Variants in SGK1 observed in about 807,000 individuals in gnomAD.
SGK1 encodes serum/glucocorticoid regulated kinase 1.
A neutral mutation model predicts 64.2 loss-of-function variants in SGK1; 26 were observed. The ratio of observed to expected loss-of-function variants is 0.40; its 90% CI spans 0.30 to 0.56. The LOEUF is 0.56. SGK1 is among the 20% of genes least tolerant of loss of function. The pLI, the probability that SGK1 is intolerant of heterozygous loss-of-function variation, is 0.38. For missense variants in SGK1, 519 were observed against 645.6 expected, an observed-to-expected ratio of 0.80 and a Z score of 2.12; for synonymous variants, 265 against 239.7, an observed-to-expected ratio of 1.11 and a Z score of -0.98.
At chr6:134,172,607 A>AGT in intron 9 of SGK1, 55 bp downstream of exon 9, 1 of 1,143,454 alleles carries the variant, frequency 8.7e-7, no homozygotes, top group Non-Finnish European at 1.3e-6. Flanking sequence ...TGAAACAGCC[A>AGT]GTGCTACGTC....
intron 2 of SGK1, among the ~76,000 whole-genome samples, chr6:134,227,095 G>GCTGGTCC (rs1384335547): frequency 2.6e-5 from 4 of 152,098 alleles, no homozygotes; most frequent in African/African-American, 9.7e-5. Context: ...AGCCTCCATG[G>GCTGGTCC]CTGGTCCCTG....
chr6:134,308,372 T>C, intron 1 of SGK1, among the ~76,000 whole-genome samples: 1 of 152,208 alleles, frequency 6.6e-6, no homozygotes, highest in Admixed American at 6.5e-5. Flanking sequence ...TCTAAATATG[T>C]TTTAACAATT....
Position 134,191,939 on chromosome 6 carries a change from A to T in SGK1, c.361+15417T>A, listed in dbSNP as rs1159821970. Among the ~76,000 whole-genome samples, 4 of 145,808 alleles carry T rather than the reference A, an allele frequency of 2.7e-5. No individual in the cohort carries two copies. The Admixed American group carries it at 2.9e-4, about 10-fold the overall frequency. ...AACCTCCACCTCCGGGTTTCAAGGG[A>T]TGCTCCTGCCTCAGCCTCCCAAGTA... is the stretch of plus-strand genomic sequence containing the variant. On this transcript the variant is annotated intron_variant, in intron 3 of 13. Transcript: ENST00000367858.
chr6:134,208,202 G>T lies in SGK1; in HGVS notation c.286-771C>A, dbSNP rs192854201. On this transcript the variant is annotated intron_variant, in intron 2 of 13. Coordinates refer to ENST00000367858, the MANE Select transcript of SGK1 (RefSeq NM_001143676.3). ...GCTGGGATTATAAGCGTGAACCACCGCACCTGGCCTGCATTCTTATTTTAT... is the reference window on the plus strand; with the variant it reads ...GCTGGGATTATAAGCGTGAACCACCTCACCTGGCCTGCATTCTTATTTTAT... 5.5e-3 allele frequency among the ~76,000 whole-genome samples: 841 copies of T among 152,180 alleles called. 3 individuals carry two copies. The highest frequency in any genetic ancestry group is 9.8e-3 in the Non-Finnish European group (666 of 68,014).
At chr6:134,280,791 G>A (rs1582760861) in intron 1 of SGK1, among the ~76,000 whole-genome samples, 1 of 152,190 alleles carries the variant, frequency 6.6e-6, no homozygotes, top group South Asian at 2.1e-4. Context: ...TCCAGGCCAG[G>A]TGCAGTGGCT....
chr6:134,316,067 G>A (rs1330467382), intron 1 of SGK1, among the ~76,000 whole-genome samples: 1 of 152,192 alleles, frequency 6.6e-6, no homozygotes, highest in Admixed American at 6.5e-5. Context: ...GCAGGGGCCA[G>A]GACAGGTTGG....
chr6:134,258,688 C>CA (rs1776720417), intron 2 of SGK1, among the ~76,000 whole-genome samples: 1 of 152,110 alleles, frequency 6.6e-6, no homozygotes, highest in African/African-American at 2.4e-5. Context: ...GCCTGGGTGA[C>CA]AGGGCGAGAC....
chr6:134,281,353 A>G (rs1777091648), intron 1 of SGK1, among the ~76,000 whole-genome samples: 1 of 152,158 alleles, frequency 6.6e-6, no homozygotes, highest in Non-Finnish European at 1.5e-5. Flanking sequence ...CATTAAGAGT[A>G]CTGAGTATAT....
chr6:134,290,118 C>T (rs112823692), intron 1 of SGK1, among the ~76,000 whole-genome samples: 8,878 of 146,124 alleles, frequency 0.061, 381 homozygotes, highest in Non-Finnish European at 0.089. Context: ...CCATTGCACT[C>T]CAGCCTGGGC....
At chr6:134,274,310 G>A (rs1776986978) in intron 1 of SGK1, among the ~76,000 whole-genome samples, 1 of 152,068 alleles carries the variant, frequency 6.6e-6, no homozygotes, top group South Asian at 2.1e-4. Context: ...AGCCTCAAAT[G>A]TGTTTTTCAA....
intron 2 of SGK1, among the ~76,000 whole-genome samples, chr6:134,207,916 CTTTT>C (rs869258068): frequency 6.7e-6 from 1 of 150,036 alleles, no homozygotes; most frequent in Non-Finnish European, 1.5e-5. Flanking sequence ...ACTTTAAATG[CTTTT>C]TTTGTTTGTT....
chr6:134,177,827 G>A, intron 3 of SGK1: 1 of 1,610,554 alleles, frequency 6.2e-7, no homozygotes, highest in East Asian at 2.2e-5. Flanking sequence ...TGACATGAGA[G>A]CACGAGCCAG....
intron 3 of SGK1, among the ~76,000 whole-genome samples, chr6:134,207,130 G>A (rs1054637086): frequency 3.3e-5 from 5 of 152,066 alleles, no homozygotes; most frequent in Admixed American, 6.6e-5. Flanking sequence ...GGAGGCTGAG[G>A]CAGGAGAATG....
intron 2 of SGK1, among the ~76,000 whole-genome samples, chr6:134,209,279 CA>C (rs1406190632): frequency 6.6e-6 from 1 of 152,032 alleles, no homozygotes; most frequent in Admixed American, 6.6e-5. Flanking sequence ...ACTAAAAATA[CA>C]AAAATTAGTC....
At chr6:134,233,909 G>A (rs1776326308) in intron 2 of SGK1, among the ~76,000 whole-genome samples, 2 of 150,626 alleles carry the variant, frequency 1.3e-5, no homozygotes, top group Admixed American at 6.6e-5. Flanking sequence ...ATTAAATAGA[G>A]GAACAAAAAC....
intron 3 of SGK1, among the ~76,000 whole-genome samples, chr6:134,197,767 A>C (rs962757713): frequency 6.6e-6 from 1 of 152,024 alleles, no homozygotes; most frequent in African/African-American, 2.4e-5. Flanking sequence ...TGGAGGTTGC[A>C]GTGAACTGAG....
chr6:134,222,481 G>A (rs1051150247), intron 2 of SGK1, among the ~76,000 whole-genome samples: 8 of 151,914 alleles, frequency 5.3e-5, no homozygotes, highest in African/African-American at 1.7e-4. Context: ...GATTACAGGC[G>A]CCCACCACCA....
chr6:134,192,241 A>T (rs2114666599), intron 3 of SGK1, among the ~76,000 whole-genome samples: 1 of 152,204 alleles, frequency 6.6e-6, no homozygotes, highest in Admixed American at 6.5e-5. Context: ...CTGGGATTAC[A>T]GGCGTGGGTC....
At chr6:134,262,248 A>T (rs1776778526) in intron 1 of SGK1, 100 bp from the exon 2 acceptor site, 3 of 805,432 alleles carry the variant, frequency 3.7e-6, no homozygotes, top group Non-Finnish European at 6.0e-6. Flanking sequence ...AGCTCATGAA[A>T]GGAGAACTCG....
Sources: allele counts gnomAD v4.1 joint callset (sites outside exome capture counted in the v4.1 genomes callset), GRCh38; gene constraint gnomAD v4.1.1; transcripts MANE v1.5; gene names NCBI Gene and HGNC (gene_info 2026-07-23, HGNC 2026-07-21).